The following USP34 variants were observed in gnomAD, a reference collection of about 807,000 sequenced individuals.
USP34 encodes ubiquitin specific peptidase 34.
A neutral mutation model predicts 460.3 loss-of-function variants in USP34; 70 were observed. That is an observed-to-expected ratio of 0.15 (90% CI 0.13 to 0.19). The LOEUF is 0.19. USP34 is among the 10% of genes least tolerant of loss of function. USP34 has a pLI of 1.00. For missense variants in USP34, 3,985 were observed against 4,236.2 expected, an observed-to-expected ratio of 0.94 and a Z score of 1.65; for synonymous variants, 1,647 against 1,405.3, an observed-to-expected ratio of 1.17 and a Z score of -3.85.
intron 41 of USP34, among the ~76,000 whole-genome samples, chr2:61,273,844 G>C (rs974538617): frequency 2.0e-5 from 3 of 151,970 alleles, no homozygotes; most frequent in Non-Finnish European, 2.9e-5. Flanking sequence ...TAGTTTATTT[G>C]AAAAAGGAAG....
Position 61,288,572 on chromosome 2 carries a change from G to A in USP34, c.4749+105C>T, listed in dbSNP as rs1689758491. On this transcript the variant is annotated intron_variant, in intron 34 of 79. Coordinates refer to ENST00000398571, the MANE Select transcript of USP34 (RefSeq NM_014709.4). The stretch of plus-strand genomic sequence containing the variant: ...ACAATGCCGTCAGTTCAGCTGTCAG[G>A]TTAAGTCACAGTAATCTAGAATACA... 4.2e-6 allele frequency: 5 copies of A among 1,201,050 alleles called. No homozygotes were observed. The South Asian group carries it at 5.2e-5, about 13-fold the overall frequency. 74.4% of individuals were successfully genotyped at this position (1,201,050 alleles called of 1,614,324 possible).
intron 23 of USP34, among the ~76,000 whole-genome samples, chr2:61,316,068 G>C (rs1406740462): frequency 1.3e-5 from 2 of 150,962 alleles, no homozygotes; most frequent in Non-Finnish European, 3.0e-5. Context: ...AAATTAGCCA[G>C]GCAGGCATGC....
Position 61,188,689 on chromosome 2 carries a change from T to A in USP34, c.10054A>T (p.Ile3352Phe). The change falls in exon 80 of 80, where the codon ATT (isoleucine) becomes TTT (phenylalanine). Residue 3352 changes from isoleucine to phenylalanine, a missense_variant. Ile to Phe is a conservative substitution (Grantham distance 21). Around this residue, in one of 14 missense-constraint regions of USP34, gnomAD observed 506 missense variants for 439.0 expected, o/e 1.15. Transcript: ENST00000398571. ...KTKDDEGATPIKRRRVSSDEE... is the reference protein window; with the variant it reads ...KTKDDEGATPFKRRRVSSDEE... ...TCACTGCTAACACGCCGCCTTTTAATGGGAGTTGCTCCTTCATCATCTGTG... is the reference window on the plus strand; with the variant it reads ...TCACTGCTAACACGCCGCCTTTTAAAGGGAGTTGCTCCTTCATCATCTGTG... 6.2e-7 allele frequency: 1 copy of A among 1,613,834 alleles called. No individual in the cohort carries two copies. Among genetic ancestry groups the A allele is most frequent in the Non-Finnish European group, 8.5e-7 (1 of 1,179,906 alleles).
intron 1 of USP34, among the ~76,000 whole-genome samples, chr2:61,443,737 T>C (rs1695033603): frequency 6.6e-6 from 1 of 152,186 alleles, no homozygotes; most frequent in African/African-American, 2.4e-5. Flanking sequence ...TGTACGACAC[T>C]GTACTGGTGG....
chr2:61,436,643 T>C (rs1207797964), intron 1 of USP34, among the ~76,000 whole-genome samples: 1 of 152,154 alleles, frequency 6.6e-6, no homozygotes, highest in African/African-American at 2.4e-5. Context: ...CTAGACAGAA[T>C]ATAACAAAGA....
At chr2:61,277,989 T>C (rs1689422387) in intron 41 of USP34, 176 bp downstream of exon 41, 15 of 804,948 alleles carry the variant, frequency 1.9e-5, no homozygotes, top group Admixed American at 3.3e-5. Flanking sequence ...TCCGGCACGA[T>C]TGTGAGGCCT....
At chr2:61,369,567 G>A (rs531997808) in intron 10 of USP34, among the ~76,000 whole-genome samples, 2 of 150,326 alleles carry the variant, frequency 1.3e-5, no homozygotes, top group South Asian at 2.1e-4. Context: ...CACTTGAACC[G>A]GGGAGGCGGA....
intron 75 of USP34, among the ~76,000 whole-genome samples, chr2:61,199,476 G>A (rs1028305799): frequency 6.6e-6 from 1 of 152,118 alleles, no homozygotes; most frequent in Non-Finnish European, 1.5e-5. Flanking sequence ...GGCTGGTCTC[G>A]AACTCCTAAC....
intron 5 of USP34, among the ~76,000 whole-genome samples, chr2:61,387,177 C>T (rs1053078208): frequency 2.0e-5 from 3 of 151,904 alleles, no homozygotes; most frequent in Admixed American, 6.6e-5. Context: ...AAATATATAA[C>T]AGGCCAGGTG....
In USP34 at chr2:61,229,095, A is replaced by AGATAATG. The variant is rs201131937; in HGVS notation, c.7200-107_7200-101dup. ...AAACTCTGAATTTCTTTTATCTTTG[A>AGATAATG]GATAATGAATATGAACCGCAATAAC... On this transcript the variant is annotated intron_variant, in intron 59 of 79. Coordinates refer to ENST00000398571, the MANE Select transcript of USP34 (RefSeq NM_014709.4). 8.9e-4 allele frequency: 834 copies of AGATAATG among 933,428 alleles called. 3 individuals carry two copies. In the African/African-American group the frequency reaches 0.01, roughly 12 times the overall value. The allele number at this position is 933,428 out of a possible 1,614,324, so 57.8% of individuals were successfully genotyped here. A position where few individuals can be genotyped will look rare whatever the true frequency, so the allele number is the denominator to read the frequency against.
chr2:61,372,650 G>A (rs2103842451), intron 8 of USP34, among the ~76,000 whole-genome samples: 1 of 152,294 alleles, frequency 6.6e-6, no homozygotes. Flanking sequence ...CAGAGCTGTA[G>A]TAAGGCATAA....
At chr2:61,377,362 T>A (rs941808727) in intron 8 of USP34, among the ~76,000 whole-genome samples, 3 of 152,146 alleles carry the variant, frequency 2.0e-5, no homozygotes, top group Admixed American at 6.5e-5. Flanking sequence ...TCCTACTGTT[T>A]GAGATTTTTA....
intron 10 of USP34, among the ~76,000 whole-genome samples, chr2:61,359,779 G>GTTTTTTTT (rs35258583): frequency 2.3e-5 from 2 of 86,854 alleles, no homozygotes; most frequent in Non-Finnish European, 4.5e-5. Flanking sequence ...GCCCACAGTT[G>GTTTTTTTT]TTTTTTTTTT....
chr2:61,431,137 T>G (rs1449726531), intron 1 of USP34, among the ~76,000 whole-genome samples: 2 of 152,210 alleles, frequency 1.3e-5, no homozygotes, highest in African/African-American at 4.8e-5. Flanking sequence ...CAGAGAATTA[T>G]ACCTAGCCAG....
intron 27 of USP34, among the ~76,000 whole-genome samples, chr2:61,306,809 G>A (rs1558521074): frequency 6.6e-6 from 1 of 152,150 alleles, no homozygotes; most frequent in Non-Finnish European, 1.5e-5. Flanking sequence ...AAAAAGTCAG[G>A]AAACAACAGC....
rs1692582310 is a variant in USP34 at position 61,370,359 on chromosome 2, T to C, written c.1213A>G (p.Ser405Gly). The part of the protein sequence containing the change: ...LNFLAAEGRL[S>G]TQHIDCIWAA... ...CAAATACAGTCAATATGTTGAGTAC[T>C]CAGTCGCCCTTCTGCTGCCAAAAAA... The change falls in exon 10 of 80, where the codon AGT becomes GGT. Residue 405 changes from serine to glycine, a missense_variant. Ser to Gly is a moderately conservative substitution (Grantham distance 56). Around this residue, in one of 14 missense-constraint regions of USP34, gnomAD observed 716 missense variants for 626.2 expected, o/e 1.14. Coordinates refer to ENST00000398571, the MANE Select transcript of USP34 (RefSeq NM_014709.4). 11 of 1,614,128 alleles carry C rather than the reference T, an allele frequency of 6.8e-6. No homozygotes were observed. The highest frequency in any genetic ancestry group is 9.3e-6 in the Non-Finnish European group (11 of 1,179,984).
chr2:61,334,523 A>G (rs2121661), intron 18 of USP34, among the ~76,000 whole-genome samples: 56,491 of 152,072 alleles, frequency 0.37, 10,511 homozygotes, highest in African/African-American at 0.4. Context: ...GAGCCTTAAA[A>G]GAGGCAAAAC....
chr2:61,337,364 G>A (rs964104030), intron 18 of USP34, among the ~76,000 whole-genome samples: 4 of 151,164 alleles, frequency 2.6e-5, no homozygotes, highest in Non-Finnish European at 2.9e-5. Context: ...CTGCTATATA[G>A]TATTTCAATG....
intron 8 of USP34, among the ~76,000 whole-genome samples, chr2:61,375,651 C>A (rs1233393960): frequency 2.0e-5 from 3 of 151,576 alleles, no homozygotes; most frequent in Non-Finnish European, 1.5e-5. Context: ...TGCCTGTAGT[C>A]CCAGCTACTC....
Sources: allele counts gnomAD v4.1 joint callset (sites outside exome capture counted in the v4.1 genomes callset), GRCh38; gene constraint gnomAD v4.1.1; regional missense constraint gnomAD v4.1.1; transcripts MANE v1.5; gene names NCBI Gene and HGNC (gene_info 2026-07-23, HGNC 2026-07-21).